Variants in FHIT observed in about 807,000 individuals in gnomAD.
The protein encoded by FHIT is bis(5'-adenosyl)-triphosphatase.
Under a neutral mutation model 17.9 loss-of-function variants are expected in FHIT, and 19 were observed. The observed-to-expected ratio is 1.06, with a 90% CI of 0.74 to 1.56. FHIT has a LOEUF of 1.56. Ranked by LOEUF, FHIT falls within the 40% of genes most tolerant of loss-of-function variation. FHIT has a pLI of 0.00. For missense variants in FHIT, 248 were observed against 189.2 expected (o/e 1.31, Z -1.82); for synonymous variants, 81 against 69.7 (o/e 1.16, Z -0.81).
At chr3:61,129,589 T>C (rs542503311) in intron 2 of FHIT, among the ~76,000 whole-genome samples, 2 of 152,176 alleles carry the variant, frequency 1.3e-5, no homozygotes, top group Non-Finnish European at 2.9e-5. Context: ...CTCTGCTGCC[T>C]TAAAATCACT....
rs1479964702 is a variant in FHIT, at chr3:59,909,189, G to A, written c.348+13157C>T. 5.4e-5 allele frequency among the ~76,000 whole-genome samples: 8 copies of A among 148,068 alleles called. No homozygotes were observed. In the South Asian group the frequency reaches 1.5e-3, roughly 28 times the overall value. ...GCTGGCACTATAGGCACGCACCATC[G>A]ACCCAGCTAATTTTTTGTATTTTTA... On this transcript the variant is annotated intron_variant, in intron 8 of 9. Transcript: ENST00000492590.
At chr3:60,273,399 G>C (rs1264644299) in intron 5 of FHIT, among the ~76,000 whole-genome samples, 1 of 152,088 alleles carries the variant, frequency 6.6e-6, no homozygotes, top group Non-Finnish European at 1.5e-5. Flanking sequence ...ACAAGGTCAG[G>C]AGTTCAAGAC....
At chr3:59,921,595 G>A (rs377462181) in intron 8 of FHIT, among the ~76,000 whole-genome samples, 1 of 152,218 alleles carries the variant, frequency 6.6e-6, no homozygotes, top group African/African-American at 2.4e-5. Flanking sequence ...TATCTAATCT[G>A]CTCTACCGTG....
Position 59,983,079 on chromosome 3 carries a change from G to A in FHIT, c.279+28292C>T, listed in dbSNP as rs541749294. ...TCAGTCTTCCAAGTAGCTGGGACTA[G>A]AGGCATGTGCCACCATGCCCAGCTA... On this transcript the variant is annotated intron_variant, in intron 7 of 9. Coordinates refer to ENST00000492590, the MANE Select transcript of FHIT (RefSeq NM_002012.4). 2.6e-5 allele frequency among the ~76,000 whole-genome samples: 4 copies of A among 151,878 alleles called. No individual in the cohort carries two copies. The South Asian group carries it at 6.2e-4, about 24-fold the overall frequency.
intron 5 of FHIT, among the ~76,000 whole-genome samples, chr3:60,145,652 A>G (rs1341648253): frequency 1.3e-5 from 2 of 152,190 alleles, no homozygotes; most frequent in African/African-American, 4.8e-5. Context: ...AGATGGTCCT[A>G]GCTGACATAC....
intron 2 of FHIT, among the ~76,000 whole-genome samples, chr3:61,192,387 C>T (rs575712825): frequency 1.3e-5 from 2 of 152,256 alleles, no homozygotes; most frequent in East Asian, 3.9e-4. Flanking sequence ...AAATCCTCTC[C>T]CTGCTACACA....
chr3:60,931,113 G>T (rs1387763210), intron 3 of FHIT, among the ~76,000 whole-genome samples: 4 of 151,032 alleles, frequency 2.6e-5, no homozygotes, highest in African/African-American at 9.8e-5. Context: ...CTATCGCAAG[G>T]AGAAAAAACC....
intron 7 of FHIT, among the ~76,000 whole-genome samples, chr3:59,976,703 C>T (rs1708428495): frequency 6.6e-6 from 1 of 152,060 alleles, no homozygotes; most frequent in South Asian, 2.1e-4. Flanking sequence ...TAGCACTTTC[C>T]AAATATCTAG....
chr3:60,238,654 C>A (rs1037383803), intron 5 of FHIT, among the ~76,000 whole-genome samples: 93 of 152,070 alleles, frequency 6.1e-4, no homozygotes, highest in African/African-American at 2.1e-3. Flanking sequence ...ATTCATTTTT[C>A]AAACCCTTAG....
At chr3:60,092,008 C>T (rs1362997955) in intron 5 of FHIT, among the ~76,000 whole-genome samples, 1 of 152,118 alleles carries the variant, frequency 6.6e-6, no homozygotes, top group Non-Finnish European at 1.5e-5. Context: ...GGAGTCTCCC[C>T]CTGGTTGGCT....
chr3:60,677,874 T>C (rs1272497593), intron 4 of FHIT, among the ~76,000 whole-genome samples: 1 of 152,184 alleles, frequency 6.6e-6, no homozygotes, highest in Non-Finnish European at 1.5e-5. Flanking sequence ...GATTTCTATT[T>C]CTTTCTGGTT....
intron 1 of FHIT, among the ~76,000 whole-genome samples, chr3:61,212,828 A>C (rs180698035): frequency 8.2e-4 from 125 of 152,374 alleles, no homozygotes; most frequent in African/African-American, 2.6e-3. Flanking sequence ...ACAAGCCAGA[A>C]GAGAGTGGAG....
At chr3:60,359,763 T>C (rs1699829151) in intron 5 of FHIT, among the ~76,000 whole-genome samples, 1 of 152,158 alleles carries the variant, frequency 6.6e-6, no homozygotes. Flanking sequence ...TCCATTTTCA[T>C]GGAACCAACC....
intron 3 of FHIT, among the ~76,000 whole-genome samples, chr3:60,875,631 A>G (rs1704612856): frequency 6.6e-6 from 1 of 152,172 alleles, no homozygotes; most frequent in African/African-American, 2.4e-5. Flanking sequence ...AGGCAGCATA[A>G]TGGATAATAA....
chr3:60,105,776 C>G (rs1345116623), intron 5 of FHIT, among the ~76,000 whole-genome samples: 1 of 151,908 alleles, frequency 6.6e-6, no homozygotes, highest in African/African-American at 2.4e-5. Context: ...GAAAGCCCAT[C>G]ATGAAGTATT....
chr3:60,613,483 A>G (rs1170440348), intron 4 of FHIT, among the ~76,000 whole-genome samples: 2 of 152,168 alleles, frequency 1.3e-5, no homozygotes, highest in Non-Finnish European at 2.9e-5. Flanking sequence ...GCAAGTTAAC[A>G]TGAAAACCCT....
At chr3:59,841,417 A>G (rs1417135564) in intron 8 of FHIT, among the ~76,000 whole-genome samples, 1 of 152,192 alleles carries the variant, frequency 6.6e-6, no homozygotes, top group Non-Finnish European at 1.5e-5. Context: ...CCTAAAGACC[A>G]TACATTTCTT....
At chr3:59,754,580 C>T (rs1701106253) in intron 8 of FHIT, among the ~76,000 whole-genome samples, 1 of 152,128 alleles carries the variant, frequency 6.6e-6, no homozygotes, top group Non-Finnish European at 1.5e-5. Context: ...TCTGCTACTG[C>T]CATTGGAAGA....
At chr3:60,249,996 G>A (rs1301446352) in intron 5 of FHIT, among the ~76,000 whole-genome samples, 2 of 152,132 alleles carry the variant, frequency 1.3e-5, no homozygotes, top group African/African-American at 2.4e-5. Context: ...ACAGTATGGG[G>A]AAACTGCCCC....
Sources: gnomAD v4.1 joint callset for allele counts (sites outside exome capture counted in the v4.1 genomes callset) on GRCh38, gnomAD v4.1.1 for gene constraint, MANE v1.5 for transcripts, NCBI Gene and HGNC (gene_info 2026-07-23, HGNC 2026-07-21) for gene names.